Variants in GPR137B observed in about 807,000 individuals in gnomAD.
GPR137B encodes the protein G protein-coupled receptor 137B, also known as integral membrane protein GPR137B.
A neutral mutation model predicts 42.5 loss-of-function variants in GPR137B; 42 were observed. The ratio of observed to expected loss-of-function variants is 0.99; its 90% CI spans 0.77 to 1.28. The LOEUF is 1.28. Ranked by LOEUF, GPR137B falls within the 50% of genes most tolerant of loss-of-function variation. The probability of loss-of-function intolerance (pLI) is 0.00; values close to 1 mark genes in which losing one functional copy is unlikely to be tolerated. For synonymous variants in GPR137B, 218 were observed against 209.7 expected (o/e 1.04, Z -0.34); for missense variants, 487 against 493.9 (o/e 0.99, Z 0.13).
In GPR137B at chr1:236,173,143, C is replaced by T. The variant is rs556005473; in HGVS notation, c.464+4388C>T. ...TCCCATCTCTACAAAATAAAAAAAT[C>T]AGCTGGGCGTAGTGGTGCGCGCCTG... is the stretch of plus-strand genomic sequence containing the variant. On this transcript the variant is annotated intron_variant, in intron 2 of 6. Transcript: ENST00000366592. Among the ~76,000 whole-genome samples, 95 of 151,450 alleles carry T rather than the reference C, an allele frequency of 6.3e-4. No individual in the cohort carries two copies. In the South Asian group the frequency reaches 0.011, roughly 17 times the overall value.
rs988358026 is a variant in GPR137B at position 236,156,186 on chromosome 1, C to T, written c.415-12520C>T. 6.6e-6 allele frequency among the ~76,000 whole-genome samples: 1 copy of T among 152,170 alleles called. No individual in the cohort carries two copies. The highest frequency in any genetic ancestry group is 1.5e-5 in the Non-Finnish European group (1 of 68,028). On this transcript the variant is annotated intron_variant, in intron 1 of 6. Transcript: ENST00000366592. This position sits in a 1 kb window ranked among gnomAD's most constrained non-coding sequence, Gnocchi z 4.8. ...AGAAGCTCACTGAAGTCTGGGGGGC[C>T]CACATTCCAAGGGCCAGCACGAGGC... is the stretch of plus-strand genomic sequence containing the variant.
rs1465545571 is a variant in GPR137B, at chr1:236,156,863, G to C, written c.415-11843G>C. Among the ~76,000 whole-genome samples, 1 of 152,158 alleles carries C rather than the reference G, an allele frequency of 6.6e-6. No homozygotes were observed. On this transcript the variant is annotated intron_variant, in intron 1 of 6. Coordinates refer to ENST00000366592, the MANE Select transcript of GPR137B (RefSeq NM_003272.4). The surrounding 1 kb of genome is among the most constrained non-coding windows in gnomAD (Gnocchi z 4.8). The stretch of plus-strand genomic sequence containing the variant: ...GAGAGCAAATATCGAATGCGTCAGT[G>C]GTTCTTAACCTTTTTCAGTATGAAA...
At chr1:236,169,704 G>C (rs1662475764) in intron 2 of GPR137B, among the ~76,000 whole-genome samples, 1 of 152,054 alleles carries the variant, frequency 6.6e-6, no homozygotes, top group Non-Finnish European at 1.5e-5. Context: ...AGAGGGGAGA[G>C]GCCTATGACT....
intron 1 of GPR137B, among the ~76,000 whole-genome samples, chr1:236,146,861 C>T (rs376396756): frequency 1.2e-4 from 18 of 152,170 alleles, no homozygotes; most frequent in East Asian, 1.2e-3. Context: ...TCACCCAGGC[C>T]GCAGTAGTGT....
At chr1:236,160,136 C>T (rs1662145635) in intron 1 of GPR137B, among the ~76,000 whole-genome samples, 1 of 152,224 alleles carries the variant, frequency 6.6e-6, no homozygotes, top group Non-Finnish European at 1.5e-5. Flanking sequence ...CACCAGATGA[C>T]AAACTTCAGG....
At chr1:236,184,007 CCTTTTGTGGTGGTA>C in intron 5 of GPR137B, 101 bp downstream of exon 5, 1 of 741,540 alleles carries the variant, frequency 1.3e-6, no homozygotes, top group Non-Finnish European at 2.2e-6. Flanking sequence ...AGAGCCTCTT[CCTTTTGTGGTGGTA>C]TGAAAAGTTT....
In GPR137B at chr1:236,158,254, G is replaced by A. The variant is rs1421995772; in HGVS notation, c.415-10452G>A. 8.5e-5 allele frequency among the ~76,000 whole-genome samples: 13 copies of A among 152,264 alleles called. No homozygotes were observed. In the East Asian group the frequency reaches 1.9e-3, roughly 23 times the overall value. ...ACCTGGCCAAAATGGTGAAACCCCTGTCTCTACTAAAAATACAAAGATTTG... is the reference window on the plus strand; with the variant it reads ...ACCTGGCCAAAATGGTGAAACCCCTATCTCTACTAAAAATACAAAGATTTG... On this transcript the variant is annotated intron_variant, in intron 1 of 6. Coordinates refer to ENST00000366592, the MANE Select transcript of GPR137B (RefSeq NM_003272.4).
Position 236,155,142 on chromosome 1 carries a change from C to G in GPR137B, c.414+12106C>G, listed in dbSNP as rs1661986025. Among the ~76,000 whole-genome samples the G allele has an allele frequency of 1.3e-5, 2 of 152,242 alleles. No homozygotes were observed. Among genetic ancestry groups the G allele is most frequent in the African/African-American group, 4.8e-5 (2 of 41,468 alleles). On this transcript the variant is annotated intron_variant, in intron 1 of 6. Transcript: ENST00000366592. The surrounding 1 kb of genome is among the most constrained non-coding windows in gnomAD (Gnocchi z 4.6). The stretch of plus-strand genomic sequence containing the variant: ...GAACTGATGCCGAGACGGACTCCAC[C>G]CAGGCAGTGGGCAGGCGGGCAGGTC...
At chr1:236,152,927 G>A (rs1379216153) in intron 1 of GPR137B, among the ~76,000 whole-genome samples, 1 of 151,736 alleles carries the variant, frequency 6.6e-6, no homozygotes, top group African/African-American at 2.4e-5. Context: ...GCAGTGGCGG[G>A]CGCCTGTAAT....
At chr1:236,158,350 G>A (rs1244780541) in intron 1 of GPR137B, among the ~76,000 whole-genome samples, 4 of 152,132 alleles carry the variant, frequency 2.6e-5, no homozygotes, top group Non-Finnish European at 2.9e-5. Flanking sequence ...GCTTGAACCC[G>A]GGAGACAAGG....
chr1:236,178,101 G>A (rs541814376), intron 2 of GPR137B, among the ~76,000 whole-genome samples: 20 of 152,248 alleles, frequency 1.3e-4, no homozygotes, highest in South Asian at 6.2e-4. Flanking sequence ...GCCATCCCGA[G>A]CTGTGCTCTC....
chr1:236,190,322 C>T (rs1663159105), intron 5 of GPR137B, among the ~76,000 whole-genome samples: 2 of 152,022 alleles, frequency 1.3e-5, no homozygotes, highest in African/African-American at 4.8e-5. Context: ...GGGCATTTAG[C>T]CCATTTACAT....
chr1:236,157,657 G>A (rs1003171111), intron 1 of GPR137B, among the ~76,000 whole-genome samples: 1 of 152,190 alleles, frequency 6.6e-6, no homozygotes, highest in Admixed American at 6.5e-5. Flanking sequence ...TATGCTCAGA[G>A]CCCCACATAC....
intron 1 of GPR137B, among the ~76,000 whole-genome samples, 166 bp from the exon 2 acceptor site, chr1:236,168,540 A>G (rs542155518): frequency 6.6e-6 from 1 of 152,082 alleles, no homozygotes; most frequent in Admixed American, 6.5e-5. Flanking sequence ...TTAAAACTGT[A>G]TGTGCAACAT....
intron 1 of GPR137B, among the ~76,000 whole-genome samples, chr1:236,146,666 C>T (rs915623750): frequency 6.6e-6 from 1 of 152,188 alleles, no homozygotes; most frequent in Non-Finnish European, 1.5e-5. Context: ...GCCCCGGCTG[C>T]CCTTGGGTAC....
chr1:236,205,003 C>T, intron 5 of GPR137B, 123 bp from the exon 6 acceptor site: 1 of 749,392 alleles, frequency 1.3e-6, no homozygotes. Context: ...TCCAGCTGAA[C>T]AGATATAGCC....
At position 236,142,704 on chromosome 1, in the gene GPR137B, T is replaced by C. The variant is rs148299142; in HGVS notation, c.82T>C (p.Ser28Pro). ...GCCGTGGGACCCAGCCCGCAACGAC[T>C]CGCTGCCGCCCACGCTGACCCCGGC... ...TPPWDPARND[S>P]LPPTLTPAVP... The change falls in exon 1 of 7, where the codon TCG (serine) becomes CCG (proline). Residue 28 changes from serine (S) to proline (P), a missense_variant. Coordinates refer to ENST00000366592, the MANE Select transcript of GPR137B (RefSeq NM_003272.4). 1.3e-6 allele frequency: 2 copies of C among 1,597,024 alleles called. No individual in the cohort carries two copies. Among genetic ancestry groups the C allele is most frequent in the Admixed American group, 1.7e-5 (1 of 58,492 alleles).
At chr1:236,157,158 A>G (rs1459157190) in intron 1 of GPR137B, among the ~76,000 whole-genome samples, 1 of 151,934 alleles carries the variant, frequency 6.6e-6, no homozygotes, top group African/African-American at 2.4e-5. Context: ...TGACTTTTCC[A>G]AGGCCACACA....
intron 5 of GPR137B, among the ~76,000 whole-genome samples, chr1:236,189,944 G>A (rs763782890): frequency 2.8e-4 from 43 of 152,116 alleles, no homozygotes; most frequent in Non-Finnish European, 5.0e-4. Flanking sequence ...TTGTGTGGGG[G>A]TCTAAGTGTC....
Sources: gnomAD v4.1 joint callset for allele counts (sites outside exome capture counted in the v4.1 genomes callset) on GRCh38, gnomAD v4.1.1 for gene constraint, Gnocchi (gnomAD v3.1) non-coding constraint, MANE v1.5 for transcripts, NCBI Gene and HGNC (gene_info 2026-07-23, HGNC 2026-07-21) for gene names.